Variants in ENOX2 observed in about 807,000 individuals in gnomAD.
ENOX2 encodes ecto-NOX disulfide-thiol exchanger 2, also known as APK1 antigen.
In ENOX2, 36 loss-of-function variants were observed where a neutral mutation model predicts 45.0. The ratio of observed to expected loss-of-function variants is 0.80; its 90% CI spans 0.61 to 1.06. The LOEUF is 1.06. Ranked by LOEUF, ENOX2 falls within the 50% of genes least tolerant of loss-of-function variation. The pLI, the probability that ENOX2 is intolerant of heterozygous loss-of-function variation, is 0.00. For synonymous variants in ENOX2, 174 were observed against 152.3 expected (o/e 1.14, Z -1.05); for missense variants, 423 against 462.5 (o/e 0.91, Z 0.78).
At chrX:130,886,287 G>A (rs1008134324) in intron 2 of ENOX2, among the ~76,000 whole-genome samples, 3 of 112,782 alleles carry the variant, frequency 2.7e-5, no homozygotes, top group Non-Finnish European at 3.7e-5. Flanking sequence ...GCTGTTAAGC[G>A]TAGGAGCATA....
chrX:130,866,565 G>C (rs1334801365), intron 2 of ENOX2, among the ~76,000 whole-genome samples: 2 of 111,678 alleles, frequency 1.8e-5, no homozygotes, highest in Non-Finnish European at 3.8e-5. Context: ...TTGGCCACTA[G>C]AACTCTGCTC....
chrX:130,893,502 T>C (rs961229866), intron 2 of ENOX2, among the ~76,000 whole-genome samples: 27 of 111,158 alleles, frequency 2.4e-4, no homozygotes, highest in Non-Finnish European at 3.8e-4. Context: ...TGGAGCAGAG[T>C]TCTGTAAGAC....
intron 8 of ENOX2, among the ~76,000 whole-genome samples, chrX:130,666,863 C>T (rs2036847147): frequency 9.0e-6 from 1 of 111,519 alleles, no homozygotes; most frequent in East Asian, 2.8e-4. Context: ...TACTTTCTTA[C>T]TGAAAAAATA....
At chrX:130,860,637 G>T (rs2078393995) in intron 2 of ENOX2, among the ~76,000 whole-genome samples, 1 of 111,119 alleles carries the variant, frequency 9.0e-6, no homozygotes. Flanking sequence ...TATCCTGTTT[G>T]TTGTACCCTC....
chrX:130,799,985 AATG>A (rs1186269125), intron 2 of ENOX2, among the ~76,000 whole-genome samples: 1 of 111,235 alleles, frequency 9.0e-6, no homozygotes, highest in East Asian at 2.8e-4. Flanking sequence ...GTTTTTTTTT[AATG>A]ATGTTTAAAT....
intron 2 of ENOX2, among the ~76,000 whole-genome samples, chrX:130,819,962 A>G (rs1014249314): frequency 8.9e-6 from 1 of 112,241 alleles, no homozygotes; most frequent in Non-Finnish European, 1.9e-5. Context: ...AAACAAAAAT[A>G]GACAAATAGG....
chrX:130,874,529 CAGA>C (rs1389360669), intron 2 of ENOX2, among the ~76,000 whole-genome samples: 2 of 111,769 alleles, frequency 1.8e-5, no homozygotes, highest in East Asian at 5.7e-4. Flanking sequence ...GAATGAGATA[CAGA>C]AGAAGGAAAG....
At chrX:130,840,384 C>T (rs1158564657) in intron 2 of ENOX2, among the ~76,000 whole-genome samples, 2 of 109,878 alleles carry the variant, frequency 1.8e-5, no homozygotes, top group Non-Finnish European at 3.8e-5. Flanking sequence ...ATTCTATATA[C>T]TCTATGGTTA....
At chrX:130,728,609 G>A (rs1045299815) in intron 3 of ENOX2, among the ~76,000 whole-genome samples, 4 of 110,999 alleles carry the variant, frequency 3.6e-5, no homozygotes, top group Non-Finnish European at 7.6e-5. Context: ...CCAATCCCCT[G>A]TTATAGTTAA....
intron 2 of ENOX2, among the ~76,000 whole-genome samples, chrX:130,838,740 G>A (rs1229045022): frequency 8.9e-6 from 1 of 111,972 alleles, no homozygotes; most frequent in South Asian, 3.8e-4. Flanking sequence ...TTAATCTCGA[G>A]AAGATAAAGC....
At chrX:130,817,261 T>C (rs2077505247) in intron 2 of ENOX2, among the ~76,000 whole-genome samples, 1 of 111,773 alleles carries the variant, frequency 8.9e-6, no homozygotes. Context: ...AGTTCTGAAA[T>C]TGAGGCAGTA....
At chrX:130,746,918 C>T (rs1157821519) in intron 3 of ENOX2, among the ~76,000 whole-genome samples, 2 of 112,146 alleles carry the variant, frequency 1.8e-5, no homozygotes, top group Non-Finnish European at 3.8e-5. Context: ...GATGAGTAAA[C>T]GTTTGGAGGC....
intron 10 of ENOX2, among the ~76,000 whole-genome samples, chrX:130,650,721 A>G (rs2036377324): frequency 9.0e-6 from 1 of 111,666 alleles, no homozygotes; most frequent in South Asian, 3.8e-4. Flanking sequence ...CTTTATGACA[A>G]TTGTTCCTCA....
chrX:130,845,246 C>A (rs1194387797), intron 2 of ENOX2, among the ~76,000 whole-genome samples: 3 of 111,978 alleles, frequency 2.7e-5, no homozygotes, highest in Middle Eastern at 4.6e-3. Context: ...AAGAAAGCCT[C>A]AGATGCATTC....
chrX:130,828,621 A>G (rs1182097520), intron 2 of ENOX2, among the ~76,000 whole-genome samples: 1 of 112,051 alleles, frequency 8.9e-6, no homozygotes, highest in Non-Finnish European at 1.9e-5. Context: ...GCTCTCCCCC[A>G]TATTTCCTTT....
intron 3 of ENOX2, among the ~76,000 whole-genome samples, chrX:130,704,940 A>G (rs1216299166): frequency 8.9e-6 from 1 of 112,266 alleles, no homozygotes; most frequent in East Asian, 2.8e-4. Context: ...AGGCATATCC[A>G]AAGGCTAGAA....
chrX:130,854,764 A>G (rs757327215), intron 2 of ENOX2, among the ~76,000 whole-genome samples: 1 of 112,150 alleles, frequency 8.9e-6, no homozygotes, highest in East Asian at 2.8e-4. Context: ...AGGCTGGATC[A>G]ATATTCAAAA....
intron 2 of ENOX2, among the ~76,000 whole-genome samples, chrX:130,861,625 G>A (rs749769461): frequency 2.7e-5 from 3 of 111,628 alleles, no homozygotes; most frequent in Admixed American, 9.5e-5. Flanking sequence ...CAGGGCCTGG[G>A]AGGAGAGTGA....
intron 3 of ENOX2, among the ~76,000 whole-genome samples, chrX:130,715,434 C>A (rs921549102): frequency 8.0e-5 from 9 of 112,238 alleles, no homozygotes; most frequent in African/African-American, 2.9e-4. Context: ...CCCTTTCGTG[C>A]TTCTTTACCT....
Sources: allele counts gnomAD v4.1 joint callset (sites outside exome capture counted in the v4.1 genomes callset), GRCh38; gene constraint gnomAD v4.1.1; transcripts MANE v1.5; gene names NCBI Gene and HGNC (gene_info 2026-07-23, HGNC 2026-07-21).